The following DLGAP1 variants were observed in gnomAD, a reference collection of about 807,000 sequenced individuals.
DLGAP1 encodes disks large-associated protein 1.
In DLGAP1, 11 loss-of-function variants were observed where a neutral mutation model predicts 90.8. The observed-to-expected ratio is 0.12, with a 90% confidence interval of 0.08 to 0.20. The LOEUF is 0.20. Among genes scored for constraint, DLGAP1 ranks in the 10% least tolerant of loss-of-function variants. The probability of loss-of-function intolerance (pLI) is 1.00; values close to 1 mark genes in which losing one functional copy is unlikely to be tolerated. For missense variants in DLGAP1, 1,050 were observed against 1,333.8 expected (o/e 0.79, Z 3.31); for synonymous variants, 558 against 540.7 (o/e 1.03, Z -0.44).
At chr18:4,117,494 A>G (rs1028842915) in intron 2 of DLGAP1, among the ~76,000 whole-genome samples, 6 of 152,286 alleles carry the variant, frequency 3.9e-5, no homozygotes, top group African/African-American at 1.4e-4. Flanking sequence ...TTTCCCACAC[A>G]GTGTGCAGCC....
At chr18:3,520,096 AACAAAG>A (rs1340993018) in intron 10 of DLGAP1, among the ~76,000 whole-genome samples, 2 of 152,198 alleles carry the variant, frequency 1.3e-5, no homozygotes, top group African/African-American at 4.8e-5. Flanking sequence ...AACACAAACA[AACAAAG>A]ACAAATAGTC....
chr18:3,828,523 C>T (rs1011034885), intron 4 of DLGAP1, among the ~76,000 whole-genome samples: 7 of 150,764 alleles, frequency 4.6e-5, no homozygotes, highest in African/African-American at 1.7e-4. Flanking sequence ...GCCTGTAGTC[C>T]TAGCTACTTG....
At chr18:3,650,354 T>C (rs758856832) in intron 7 of DLGAP1, among the ~76,000 whole-genome samples, 15 of 152,188 alleles carry the variant, frequency 9.9e-5, no homozygotes, top group Non-Finnish European at 1.6e-4. Flanking sequence ...GAAACATTTA[T>C]ATTTCATAGG....
At chr18:4,157,145 C>G (rs74808601) in intron 1 of DLGAP1, among the ~76,000 whole-genome samples, 2,349 of 152,008 alleles carry the variant, frequency 0.015, 23 homozygotes, top group Non-Finnish European at 0.024. Flanking sequence ...GAGGTGGGAC[C>G]GGGCCGTCAG....
chr18:4,290,722 T>G (rs185543447), intron 1 of DLGAP1, among the ~76,000 whole-genome samples: 1 of 152,298 alleles, frequency 6.6e-6, no homozygotes, highest in East Asian at 1.9e-4. Context: ...TCAGATTTTT[T>G]GGGGTTACAG....
At position 4,026,229 on chromosome 18, in the gene DLGAP1, T is replaced by C. The variant is rs184489420; in HGVS notation, c.-158-21028A>G. On this transcript the variant is annotated intron_variant, in intron 2 of 12. Transcript: ENST00000315677. ...TTAAGAAGTGCTAGAAAAAGGCTTCTGAACTGTTGAAACCATGCCAGGGGT... is the reference window on the plus strand; with the variant it reads ...TTAAGAAGTGCTAGAAAAAGGCTTCCGAACTGTTGAAACCATGCCAGGGGT... Among the ~76,000 whole-genome samples, 353 of 152,364 alleles carry C rather than the reference T, an allele frequency of 2.3e-3. 2 individuals carry two copies. The highest frequency in any genetic ancestry group is 8.2e-3 in the African/African-American group (341 of 41,590).
intron 2 of DLGAP1, among the ~76,000 whole-genome samples, chr18:4,014,199 C>T (rs774117080): frequency 4.0e-5 from 6 of 151,150 alleles, no homozygotes; most frequent in Non-Finnish European, 8.8e-5. Context: ...GATACTCCTG[C>T]CTCAGCCTCC....
chr18:3,834,181 C>G (rs1238129088), intron 4 of DLGAP1, among the ~76,000 whole-genome samples: 2 of 151,746 alleles, frequency 1.3e-5, no homozygotes, highest in African/African-American at 4.8e-5. Flanking sequence ...TGGCGGGCAC[C>G]TGTAGTCCCA....
chr18:4,423,850 T>TA (rs1567910445), intron 1 of DLGAP1, among the ~76,000 whole-genome samples: 2 of 7,844 alleles, frequency 2.5e-4, no homozygotes, highest in Non-Finnish European at 5.6e-4. Context: ...GCCCAGGAAT[T>TA]TAAAAAAAAA....
chr18:3,658,834 A>G (rs1378470370), intron 7 of DLGAP1, among the ~76,000 whole-genome samples: 1 of 152,202 alleles, frequency 6.6e-6, no homozygotes, highest in African/African-American at 2.4e-5. Flanking sequence ...AAAAGACAAC[A>G]ATGTGCTCTG....
At chr18:4,191,349 A>G (rs1186872872) in intron 1 of DLGAP1, among the ~76,000 whole-genome samples, 1 of 152,170 alleles carries the variant, frequency 6.6e-6, no homozygotes, top group Non-Finnish European at 1.5e-5. Context: ...CTTTACATAG[A>G]GCCTAAATAC....
chr18:3,700,435 G>A (rs922936160), intron 7 of DLGAP1, among the ~76,000 whole-genome samples: 1 of 151,974 alleles, frequency 6.6e-6, no homozygotes, highest in African/African-American at 2.4e-5. Context: ...GCTTCAGCTC[G>A]CCCTCTGTGG....
chr18:3,934,106 A>C (rs1249460149), intron 3 of DLGAP1, among the ~76,000 whole-genome samples: 1 of 150,026 alleles, frequency 6.7e-6, no homozygotes, highest in African/African-American at 2.5e-5. Context: ...GAATTTGCCT[A>C]ATCACTAAAA....
At chr18:4,258,010 T>TGTGTGTGTGTGTGCGC (rs529531621) in intron 1 of DLGAP1, among the ~76,000 whole-genome samples, 1 of 137,006 alleles carries the variant, frequency 7.3e-6, no homozygotes, top group African/African-American at 2.9e-5. Context: ...TGTGTGTGTG[T>TGTGTGTGTGTGTGCGC]GCGCGCGCGC....
At chr18:4,202,471 C>A (rs1258134787) in intron 1 of DLGAP1, among the ~76,000 whole-genome samples, 1 of 152,046 alleles carries the variant, frequency 6.6e-6, no homozygotes, top group Non-Finnish European at 1.5e-5. Flanking sequence ...ACCCCTTGTA[C>A]CCCTAAAACT....
At chr18:4,234,568 G>T (rs1431300146) in intron 1 of DLGAP1, among the ~76,000 whole-genome samples, 3 of 152,014 alleles carry the variant, frequency 2.0e-5, no homozygotes, top group Non-Finnish European at 1.5e-5. Flanking sequence ...AACTTTTATA[G>T]AAAGAATATA....
chr18:4,300,759 C>T (rs549312297), intron 1 of DLGAP1, among the ~76,000 whole-genome samples: 135 of 152,150 alleles, frequency 8.9e-4, no homozygotes, highest in African/African-American at 3.2e-3. Flanking sequence ...TCATTGCCTC[C>T]GGAATGATAG....
Position 4,378,095 on chromosome 18 carries a change from TAATA to T in DLGAP1, c.-267+76907_-267+76910del, listed in dbSNP as rs1156588310. Among the ~76,000 whole-genome samples, 1 of 148,536 alleles carries T rather than the reference TAATA, an allele frequency of 6.7e-6. No individual in the cohort carries two copies. The highest frequency in any genetic ancestry group is 1.5e-5 in the Non-Finnish European group (1 of 67,258). ...ATATATCACTTTTCAATCTTTTTTC[TAATA>T]TATAACATATATTAGAAATATTGTA... On this transcript the variant is annotated intron_variant, in intron 1 of 12. Coordinates refer to ENST00000315677, the MANE Select transcript of DLGAP1 (RefSeq NM_004746.4). This position sits in a 1 kb window ranked among gnomAD's most constrained non-coding sequence, Gnocchi z 4.5.
At chr18:3,535,752 C>T (rs1357236491) in intron 9 of DLGAP1, among the ~76,000 whole-genome samples, 1 of 151,142 alleles carries the variant, frequency 6.6e-6, no homozygotes, top group Admixed American at 6.6e-5. Flanking sequence ...GGAAGAAAGG[C>T]CGTGCGCAGT....
Sources: gnomAD v4.1 joint callset for allele counts (sites outside exome capture counted in the v4.1 genomes callset) on GRCh38, gnomAD v4.1.1 for gene constraint, Gnocchi (gnomAD v3.1) non-coding constraint, MANE v1.5 for transcripts, NCBI Gene and HGNC (gene_info 2026-07-23, HGNC 2026-07-21) for gene names.